Variants in ASPH observed in about 807,000 individuals in gnomAD.
ASPH encodes aspartyl/asparaginyl beta-hydroxylase.
A neutral mutation model predicts 118.4 loss-of-function variants in ASPH; 100 were observed. The ratio of observed to expected loss-of-function variants is 0.84; its 90% CI spans 0.72 to 1.00. The LOEUF is 1.00. Among genes scored for constraint, ASPH ranks in the 50% least tolerant of loss-of-function variants. The pLI is 0.00. For missense variants in ASPH, 920 were observed against 919.5 expected (o/e 1.00, Z -0.01); for synonymous variants, 315 against 325.6 (o/e 0.97, Z 0.35).
At chr8:61,694,788 A>G (rs1833532585) in intron 1 of ASPH, among the ~76,000 whole-genome samples, 1 of 152,142 alleles carries the variant, frequency 6.6e-6, no homozygotes, top group African/African-American at 2.4e-5. Flanking sequence ...CTCCACAACC[A>G]TGTGTCTACT....
At chr8:61,682,365 T>C (rs1485596345) in intron 2 of ASPH, 1 of 1,453,986 alleles carries the variant, frequency 6.9e-7, no homozygotes, top group Non-Finnish European at 9.6e-7. Context: ...TAGATAATAA[T>C]TAAATTAGTA....
In ASPH at chr8:61,518,570, T is replaced by C. The variant is rs927117187; in HGVS notation, c.1901-447A>G. On this transcript the variant is annotated intron_variant, in intron 22 of 24. Transcript: ENST00000379454. The stretch of plus-strand genomic sequence containing the variant: ...GTTGATTAACATATTTTGTATGTTA[T>C]ATGTATTCTATACTATAGTCTTACA... Among the ~76,000 whole-genome samples, 10 of 152,318 alleles carry C rather than the reference T, an allele frequency of 6.6e-5. 1 individual carries two copies. Among genetic ancestry groups the C allele is most frequent in the South Asian group, 2.1e-4 (1 of 4,824 alleles).
intron 10 of ASPH, among the ~76,000 whole-genome samples, chr8:61,639,561 C>T (rs7836745): frequency 0.057 from 8,695 of 152,144 alleles, 815 homozygotes; most frequent in African/African-American, 0.19. Flanking sequence ...TTTTCTTAGC[C>T]GTCCTTAAAT....
chr8:61,567,135 T>C (rs746144045), intron 17 of ASPH, 33 bp downstream of exon 17: 1 of 1,606,968 alleles, frequency 6.2e-7, no homozygotes, highest in Non-Finnish European at 8.5e-7. Context: ...ACATATGCCA[T>C]TTCCTACTGA....
chr8:61,596,822 C>T (rs1587853188), intron 14 of ASPH, among the ~76,000 whole-genome samples: 2 of 151,934 alleles, frequency 1.3e-5, no homozygotes, highest in East Asian at 1.9e-4. Flanking sequence ...AAGGTAAGGA[C>T]AAATGAAGAC....
intron 3 of ASPH, chr8:61,660,035 A>G (rs1301944281): frequency 6.6e-6 from 1 of 151,896 alleles, no homozygotes; most frequent in East Asian, 1.9e-4. Context: ...GAGCACGTGC[A>G]AGTTTGCTGC....
chr8:61,507,819 G>T (rs143675635), intron 24 of ASPH, among the ~76,000 whole-genome samples: 4 of 152,144 alleles, frequency 2.6e-5, no homozygotes, highest in African/African-American at 9.7e-5. Context: ...CTCGAATTAC[G>T]ACATACAATC....
intron 2 of ASPH, 86 bp from the exon 3 acceptor site, chr8:61,681,122 T>C: frequency 9.3e-7 from 1 of 1,075,114 alleles, no homozygotes; most frequent in Admixed American, 2.5e-5. Context: ...GTCATGCAAC[T>C]CAGTCATAAA....
chr8:61,608,531 G>A (rs1846280245), intron 14 of ASPH, among the ~76,000 whole-genome samples: 1 of 151,970 alleles, frequency 6.6e-6, no homozygotes, highest in Admixed American at 6.6e-5. Context: ...CATACTACAG[G>A]TTCAGCTTTT....
At chr8:61,693,509 A>G (rs566856298) in intron 1 of ASPH, among the ~76,000 whole-genome samples, 9 of 152,330 alleles carry the variant, frequency 5.9e-5, no homozygotes, top group Non-Finnish European at 1.2e-4. Flanking sequence ...AACATTTTCA[A>G]ACTAACACTA....
chr8:61,638,288 T>G (rs1858791673), intron 11 of ASPH, 34 bp downstream of exon 11: 2 of 1,594,582 alleles, frequency 1.3e-6, no homozygotes, highest in Non-Finnish European at 1.7e-6. Flanking sequence ...GAAAGCTGAC[T>G]TGCAGAAAAT....
intron 10 of ASPH, among the ~76,000 whole-genome samples, chr8:61,639,895 T>A (rs144775159): frequency 9.1e-4 from 138 of 151,982 alleles, no homozygotes; most frequent in Admixed American, 1.8e-3. Context: ...AGCAGAAGAG[T>A]GTATGTGGCT....
At chr8:61,647,019 C>T in intron 5 of ASPH, 141 bp from the exon 6 acceptor site, 2 of 1,092,860 alleles carry the variant, frequency 1.8e-6, no homozygotes, top group Non-Finnish European at 2.6e-6. Context: ...ATTGTCCACT[C>T]CACAGCTATT....
At chr8:61,665,155 C>G in intron 3 of ASPH, 1 of 1,486,930 alleles carries the variant, frequency 6.7e-7, no homozygotes, top group Non-Finnish European at 8.9e-7. Context: ...ATTTACACAC[C>G]CTCACCAATC....
At chr8:61,609,079 T>C (rs1329709350) in intron 14 of ASPH, among the ~76,000 whole-genome samples, 2 of 152,154 alleles carry the variant, frequency 1.3e-5, no homozygotes, top group African/African-American at 2.4e-5. Context: ...GGAAGTTAGA[T>C]AAAAGCATTA....
At chr8:61,525,357 C>T (rs559209407) in intron 22 of ASPH, among the ~76,000 whole-genome samples, 1 of 106,344 alleles carries the variant, frequency 9.4e-6, no homozygotes, top group African/African-American at 3.6e-5. Flanking sequence ...CACACACACG[C>T]ACACACACAC....
intron 12 of ASPH, among the ~76,000 whole-genome samples, chr8:61,634,978 A>C (rs2150818277): frequency 6.6e-6 from 1 of 152,330 alleles, no homozygotes; most frequent in South Asian, 2.1e-4. Context: ...TGATTTCTAA[A>C]AAGTAAACCG....
chr8:61,563,385 A>G (rs193222649), intron 17 of ASPH, among the ~76,000 whole-genome samples: 2 of 152,268 alleles, frequency 1.3e-5, no homozygotes, highest in East Asian at 3.9e-4. Flanking sequence ...ATCTCTAGGT[A>G]ATGACCTAGT....
chr8:61,567,230 T>A lies in ASPH; in HGVS notation c.1238A>T (p.Asp413Val), dbSNP rs752742273. The A allele has an allele frequency of 6.2e-7, 1 of 1,614,126 alleles. No homozygotes were observed. ...ETYQEVASLP[D>V]VPADLLKLSL... ...CAGCTTCAGCAGGTCTGCAGGGACA[T>A]CAGGTAGGCTGGCCACCTCTTGGTA... is the stretch of plus-strand genomic sequence containing the variant. The change falls in exon 17 of 25, where the codon GAT becomes GTT. Residue 413 changes from aspartate (D) to valine (V), a missense_variant. Asp to Val is a radical substitution (Grantham distance 152). Transcript: ENST00000379454.
Sources: gnomAD v4.1 joint callset for allele counts (sites outside exome capture counted in the v4.1 genomes callset) on GRCh38, gnomAD v4.1.1 for gene constraint, MANE v1.5 for transcripts, NCBI Gene and HGNC (gene_info 2026-07-23, HGNC 2026-07-21) for gene names.